The following MGA variants were observed in gnomAD, a reference collection of about 807,000 sequenced individuals.
MGA encodes MAX gene-associated protein.
MGA carries 40 observed loss-of-function variants against 261.1 expected under a neutral mutation model. That is an observed-to-expected ratio of 0.15 (90% CI 0.12 to 0.20). The LOEUF is 0.20. Ranked by LOEUF, MGA falls within the 10% of genes least tolerant of loss-of-function variation. MGA has a pLI of 1.00. For missense variants in MGA, 3,397 were observed against 3,630.5 expected, an observed-to-expected ratio of 0.94 and a Z score of 1.65; for synonymous variants, 1,302 against 1,290.6, an observed-to-expected ratio of 1.01 and a Z score of -0.19.
rs1476278360 is a variant in MGA, at chr15:41,742,538, GT to G, written c.4586-5del. 3 of 1,607,560 alleles carry G rather than the reference GT, an allele frequency of 1.9e-6. No individual in the cohort carries two copies. Among genetic ancestry groups the G allele is most frequent in the African/African-American group, 2.7e-5 (2 of 74,838 alleles). ...GAAGATTTTTGACCTGCAAATTTCT[GT>G]TTGCAGCGGCTCGACCCTCTCCTGG... On this transcript the variant is annotated splice_polypyrimidine_tract_variant and splice_region_variant and intron_variant, in intron 14 of 23. Coordinates refer to ENST00000219905, the MANE Select transcript of MGA (RefSeq NM_001164273.2).
intron 1 of MGA, among the ~76,000 whole-genome samples, chr15:41,628,774 A>G (rs1269924888): frequency 6.6e-6 from 1 of 152,202 alleles, no homozygotes; most frequent in Non-Finnish European, 1.5e-5. Flanking sequence ...GATGGTATTC[A>G]TTGGACAGTT....
At chr15:41,687,172 C>G (rs948614825) in intron 2 of MGA, among the ~76,000 whole-genome samples, 3 of 151,508 alleles carry the variant, frequency 2.0e-5, no homozygotes, top group Admixed American at 2.0e-4. Context: ...CTCCTTTGTT[C>G]TACTTGTTTT....
In MGA at chr15:41,718,682, T is replaced by A. The variant is rs546520278; in HGVS notation, c.3430+5186T>A. On this transcript the variant is annotated intron_variant, in intron 9 of 23. Coordinates refer to ENST00000219905, the MANE Select transcript of MGA (RefSeq NM_001164273.2). ...ATTTCTGGTGTGTTCAAGCTCCACCTGATTAAGAGATATTTTTGAAAGATT... is the reference window on the plus strand; with the variant it reads ...ATTTCTGGTGTGTTCAAGCTCCACCAGATTAAGAGATATTTTTGAAAGATT... 8.0e-6 allele frequency: 2 copies of A among 250,204 alleles called. 1 individual carries two copies. The highest frequency in any genetic ancestry group is 1.1e-4 in the Admixed American group (2 of 18,316). 15.5% of individuals were successfully genotyped at this position (250,204 alleles called of 1,614,324 possible).
At position 41,736,580 on chromosome 15, in the gene MGA, C is replaced by T. The variant is rs1461667002; in HGVS notation, c.4316C>T (p.Ser1439Leu). ...CCTGTGCAGACAGATGCCCTGGATT[C>T]AGTGAGGGAGAGATTACATGGAGGC... The change falls in exon 13 of 24, where the codon TCA (serine) becomes TTA (leucine). Residue 1439 changes from serine (S) to leucine (L), a missense_variant. Ser to Leu is a moderately radical substitution (Grantham distance 145). Transcript: ENST00000219905. 6.2e-7 allele frequency: 1 copy of T among 1,613,862 alleles called. No individual in the cohort carries two copies. Among genetic ancestry groups the T allele is most frequent in the African/African-American group, 1.3e-5 (1 of 74,918 alleles).
intron 2 of MGA, among the ~76,000 whole-genome samples, chr15:41,684,078 C>T (rs972190639): frequency 1.3e-5 from 2 of 152,038 alleles, no homozygotes; most frequent in Admixed American, 1.3e-4. Flanking sequence ...TTTATTATAG[C>T]ATCTGTTAAA....
intron 18 of MGA, 52 bp from the exon 19 acceptor site, chr15:41,757,736 T>A: frequency 6.8e-7 from 1 of 1,462,034 alleles, no homozygotes; most frequent in South Asian, 1.2e-5. Context: ...GTGAAATAGG[T>A]CTTAGATTAT....
At chr15:41,757,043 A>G (rs2063191962) in intron 18 of MGA, among the ~76,000 whole-genome samples, 1 of 152,206 alleles carries the variant, frequency 6.6e-6, no homozygotes, top group South Asian at 2.1e-4. Context: ...CTGTCTTAGA[A>G]TGGTTACTTT....
chr15:41,695,564 GA>G (rs1221263950), intron 2 of MGA, among the ~76,000 whole-genome samples: 1 of 152,202 alleles, frequency 6.6e-6, no homozygotes, highest in African/African-American at 2.4e-5. Flanking sequence ...GGAGGAGGGG[GA>G]AACTAGATGT....
At chr15:41,757,592 A>G (rs1299796874) in intron 18 of MGA, among the ~76,000 whole-genome samples, 196 bp from the exon 19 acceptor site, 3 of 152,226 alleles carry the variant, frequency 2.0e-5, no homozygotes, top group Admixed American at 1.3e-4. Flanking sequence ...ATGATTGTAC[A>G]AAGTAATTTG....
chr15:41,642,557 C>T (rs2056844046), intron 1 of MGA, among the ~76,000 whole-genome samples: 1 of 152,070 alleles, frequency 6.6e-6, no homozygotes, highest in South Asian at 2.1e-4. Flanking sequence ...GATCTCAGCT[C>T]ACTGCAACCT....
intron 15 of MGA, among the ~76,000 whole-genome samples, chr15:41,744,351 A>G (rs534647347): frequency 2.0e-5 from 3 of 151,822 alleles, no homozygotes; most frequent in Non-Finnish European, 4.4e-5. Context: ...CTACAGGTTT[A>G]TGCCACCACG....
In MGA at chr15:41,664,528, G is replaced by A. The variant is rs373511532; in HGVS notation, c.-68+4003G>A. On this transcript the variant is annotated intron_variant, in intron 1 of 23. Transcript: ENST00000219905. ...CGGCACCTTTTCATGTAATTTATAG[G>A]TTTGGGATAACTAGATTTTTTTTCA... 5.9e-5 allele frequency among the ~76,000 whole-genome samples: 9 copies of A among 152,206 alleles called. No individual in the cohort carries two copies. The East Asian group carries it at 1.3e-3, about 23-fold the overall frequency.
At chr15:41,650,591 C>G (rs572752020) in intron 1 of MGA, among the ~76,000 whole-genome samples, 197 of 152,240 alleles carry the variant, frequency 1.3e-3, no homozygotes, top group African/African-American at 4.6e-3. Context: ...GCGTGCACCA[C>G]CATGCCTGGC....
intron 2 of MGA, among the ~76,000 whole-genome samples, chr15:41,678,135 G>A (rs574918725): frequency 5.2e-4 from 77 of 149,134 alleles, no homozygotes; most frequent in African/African-American, 1.9e-3. Context: ...CTGTCACCCA[G>A]GCTGGAGTGC....
At chr15:41,765,440 C>T (rs1284187808) in intron 23 of MGA, among the ~76,000 whole-genome samples, 1 of 152,214 alleles carries the variant, frequency 6.6e-6, no homozygotes, top group Admixed American at 6.5e-5. Context: ...TCACTTTGAG[C>T]ACTACTCTGT....
At position 41,741,839 on chromosome 15, in the gene MGA, G is replaced by A. The variant is rs1350458520; in HGVS notation, c.4586-707G>A. Among the ~76,000 whole-genome samples the A allele has an allele frequency of 5.3e-5, 8 of 152,106 alleles. 1 individual carries two copies. Among genetic ancestry groups the A allele is most frequent in the Admixed American group, 4.6e-4 (7 of 15,286 alleles). On this transcript the variant is annotated intron_variant, in intron 14 of 23. Transcript: ENST00000219905. ...CCATTCTCCTGCCTCAGCCTCCTGA[G>A]TAGCTGGGATTACAGGCACGTGCCA... is the stretch of plus-strand genomic sequence containing the variant.
chr15:41,686,512 A>G (rs2058979735), intron 2 of MGA, among the ~76,000 whole-genome samples: 1 of 152,120 alleles, frequency 6.6e-6, no homozygotes, highest in African/African-American at 2.4e-5. Flanking sequence ...TGGGCAACAG[A>G]GTGAGATGCT....
intron 22 of MGA, among the ~76,000 whole-genome samples, chr15:41,763,819 G>T (rs769072593): frequency 2.0e-5 from 3 of 152,036 alleles, no homozygotes; most frequent in Non-Finnish European, 4.4e-5. Flanking sequence ...CTTGATTTTG[G>T]AAGTAAAGTT....
intron 22 of MGA, among the ~76,000 whole-genome samples, chr15:41,763,896 G>A (rs1448509351): frequency 3.9e-5 from 6 of 152,158 alleles, no homozygotes; most frequent in Admixed American, 3.9e-4. Flanking sequence ...AGTGGCTCAT[G>A]CCTGTAATCC....
Sources: allele counts gnomAD v4.1 joint callset (sites outside exome capture counted in the v4.1 genomes callset), GRCh38; gene constraint gnomAD v4.1.1; transcripts MANE v1.5; gene names NCBI Gene and HGNC (gene_info 2026-07-23, HGNC 2026-07-21).